The following PDE4D variants were observed in gnomAD, a reference collection of about 807,000 sequenced individuals.
PDE4D encodes the protein phosphodiesterase 4D, also known as 3',5'-cyclic-AMP phosphodiesterase 4D.
PDE4D carries 24 observed loss-of-function variants against 87.4 expected under a neutral mutation model. The observed-to-expected ratio is 0.27, with a 90% confidence interval of 0.20 to 0.39. The LOEUF (loss-of-function observed/expected upper bound fraction) is 0.39. Among genes scored for constraint, PDE4D ranks in the 10% least tolerant of loss-of-function variants. PDE4D has a pLI of 1.00. For missense variants in PDE4D, 714 were observed against 1,041.0 expected (o/e 0.69, Z 4.32); for synonymous variants, 384 against 383.2 (o/e 1.00, Z -0.02).
intron 1 of PDE4D, among the ~76,000 whole-genome samples, chr5:60,241,146 A>G (rs997789978): frequency 1.3e-5 from 2 of 152,144 alleles, no homozygotes; most frequent in African/African-American, 4.8e-5. Flanking sequence ...GAAGGAATTT[A>G]GAATAATATC....
At position 60,139,577 on chromosome 5, in the gene PDE4D, G is replaced by A. The variant is rs188993338; in HGVS notation, c.42+45980C>T. ...AATGCCACAGAATACAAAAGCCAAC[G>A]AGAGAATAACTCAATATATAACCCA... On this transcript the variant is annotated intron_variant, in intron 2 of 16. Transcript: ENST00000502484. Among the ~76,000 whole-genome samples, 312 of 152,060 alleles carry A rather than the reference G, an allele frequency of 2.1e-3. 4 individuals carry two copies. Among genetic ancestry groups the A allele is most frequent in the African/African-American group, 7.2e-3 (300 of 41,498 alleles).
chr5:60,283,211 C>T (rs988195306), intron 1 of PDE4D, among the ~76,000 whole-genome samples: 2 of 152,140 alleles, frequency 1.3e-5, no homozygotes, highest in African/African-American at 4.8e-5. Flanking sequence ...ACAGAGAGTG[C>T]TTCCTAATGC....
intron 1 of PDE4D, among the ~76,000 whole-genome samples, chr5:59,860,491 A>T (rs1217114004): frequency 1.3e-5 from 2 of 152,182 alleles, no homozygotes; most frequent in African/African-American, 4.8e-5. Flanking sequence ...GTTAATAGCT[A>T]CTATTGTAAT....
intron 2 of PDE4D, among the ~76,000 whole-genome samples, chr5:60,017,952 G>A (rs953216893): frequency 1.3e-5 from 2 of 152,148 alleles, no homozygotes; most frequent in African/African-American, 4.8e-5. Context: ...AGCCTCAACA[G>A]TATCTGTTGT....
At chr5:59,453,769 CA>C (rs1314616409) in intron 1 of PDE4D, among the ~76,000 whole-genome samples, 5 of 152,208 alleles carry the variant, frequency 3.3e-5, no homozygotes, top group African/African-American at 1.2e-4. Context: ...CAAAGTGAAG[CA>C]GCAAGTGCTG....
At chr5:60,355,650 G>A (rs990168920) in intron 1 of PDE4D, among the ~76,000 whole-genome samples, 2 of 151,872 alleles carry the variant, frequency 1.3e-5, no homozygotes, top group East Asian at 1.9e-4. Context: ...GGCTACTGTT[G>A]AGCAATACTA....
intron 5 of PDE4D, among the ~76,000 whole-genome samples, chr5:59,050,024 G>T (rs1026729277): frequency 9.9e-5 from 15 of 152,212 alleles, no homozygotes; most frequent in African/African-American, 2.7e-4. Flanking sequence ...AGCCTTTTGG[G>T]AACCCAAGGC....
At chr5:60,180,767 T>G (rs1290204717) in intron 2 of PDE4D, among the ~76,000 whole-genome samples, 1 of 152,138 alleles carries the variant, frequency 6.6e-6, no homozygotes, top group Non-Finnish European at 1.5e-5. Context: ...CAATTTGTTG[T>G]GAATAAAGAC....
intron 2 of PDE4D, among the ~76,000 whole-genome samples, chr5:59,210,496 G>A (rs867854354): frequency 1.3e-5 from 2 of 152,200 alleles, no homozygotes; most frequent in African/African-American, 4.8e-5. Flanking sequence ...GACATGGGAG[G>A]TAGGGAGAGT....
At chr5:59,697,848 T>C (rs1428771643) in intron 1 of PDE4D, among the ~76,000 whole-genome samples, 1 of 152,216 alleles carries the variant, frequency 6.6e-6, no homozygotes, top group Non-Finnish European at 1.5e-5. Context: ...TGAAAAGCCC[T>C]GTTGAATTGT....
At chr5:60,409,747 G>T (rs1245516502) in intron 1 of PDE4D, among the ~76,000 whole-genome samples, 3 of 152,250 alleles carry the variant, frequency 2.0e-5, no homozygotes, top group Non-Finnish European at 4.4e-5. Flanking sequence ...GAGGAAGAAT[G>T]TTTAAATGTC....
At chr5:60,107,751 C>CA (rs1269305200) in intron 2 of PDE4D, among the ~76,000 whole-genome samples, 1 of 152,094 alleles carries the variant, frequency 6.6e-6, no homozygotes, top group Non-Finnish European at 1.5e-5. Flanking sequence ...GAACCGAAGA[C>CA]AAAAACCACA....
At chr5:59,298,885 A>G (rs1305095811) in intron 1 of PDE4D, among the ~76,000 whole-genome samples, 1 of 152,332 alleles carries the variant, frequency 6.6e-6, no homozygotes, top group Admixed American at 6.5e-5. Context: ...AATTTGCTTT[A>G]TACTTTTTAA....
At chr5:59,208,604 C>T (rs916638340) in intron 2 of PDE4D, among the ~76,000 whole-genome samples, 1 of 150,246 alleles carries the variant, frequency 6.7e-6, no homozygotes, top group Non-Finnish European at 1.5e-5. Flanking sequence ...AATGTCTAAA[C>T]ATCAGGATTT....
intron 1 of PDE4D, among the ~76,000 whole-genome samples, chr5:59,812,447 C>T (rs951192478): frequency 3.3e-5 from 5 of 152,072 alleles, no homozygotes; most frequent in Non-Finnish European, 5.9e-5. Flanking sequence ...CCGAGGCAGA[C>T]GGATCACCTG....
At chr5:59,705,386 T>C (rs1416133721) in intron 1 of PDE4D, among the ~76,000 whole-genome samples, 1 of 152,048 alleles carries the variant, frequency 6.6e-6, no homozygotes, top group African/African-American at 2.4e-5. Flanking sequence ...AGGAAGGCAA[T>C]TGTAAAGATA....
intron 1 of PDE4D, among the ~76,000 whole-genome samples, chr5:59,843,802 A>G (rs1743416636): frequency 6.6e-6 from 1 of 152,084 alleles, no homozygotes; most frequent in African/African-American, 2.4e-5. Flanking sequence ...TCCAGGAAGG[A>G]GCTAGATTGA....
intron 1 of PDE4D, among the ~76,000 whole-genome samples, chr5:59,666,829 G>A (rs2150310065): frequency 6.6e-6 from 1 of 152,332 alleles, no homozygotes; most frequent in South Asian, 2.1e-4. Context: ...GATTGTGTTA[G>A]GGGCATGACA....
chr5:60,476,342 T>C (rs1748321690), intron 1 of PDE4D, among the ~76,000 whole-genome samples: 1 of 152,282 alleles, frequency 6.6e-6, no homozygotes, highest in South Asian at 2.1e-4. Flanking sequence ...TAAATTTGGC[T>C]TCTTTAAATG....
Sources: allele counts gnomAD v4.1 joint callset (sites outside exome capture counted in the v4.1 genomes callset), GRCh38; gene constraint gnomAD v4.1.1; transcripts MANE v1.5; gene names NCBI Gene and HGNC (gene_info 2026-07-23, HGNC 2026-07-21).